Variants in ATRNL1 observed in about 807,000 individuals in gnomAD.
ATRNL1 encodes attractin like 1.
Under a neutral mutation model 182.7 loss-of-function variants are expected in ATRNL1, and 95 were observed. That is an observed-to-expected ratio of 0.52 (90% confidence interval 0.44 to 0.62). The LOEUF is 0.62. ATRNL1 is among the 20% of genes least tolerant of loss of function. The pLI is 0.00. For synonymous variants in ATRNL1, 576 were observed against 568.3 expected (o/e 1.01, Z -0.19); for missense variants, 1,471 against 1,679.5 (o/e 0.88, Z 2.17).
intron 28 of ATRNL1, among the ~76,000 whole-genome samples, chr10:115,901,954 T>C (rs1952367056): frequency 6.6e-6 from 1 of 152,140 alleles, no homozygotes; most frequent in Non-Finnish European, 1.5e-5. Context: ...ATCTCAATGC[T>C]ACCAGCACCT....
intron 19 of ATRNL1, among the ~76,000 whole-genome samples, chr10:115,382,448 A>G (rs932083668): frequency 2.6e-5 from 4 of 151,924 alleles, no homozygotes; most frequent in African/African-American, 7.2e-5. Context: ...ACTATTTTAT[A>G]TGAAATTATT....
intron 21 of ATRNL1, among the ~76,000 whole-genome samples, chr10:115,444,744 A>G (rs1185368747): frequency 2.6e-5 from 4 of 151,668 alleles, no homozygotes; most frequent in Admixed American, 2.6e-4. Context: ...AGGTGGATAG[A>G]GCAAGATATT....
At chr10:115,592,478 A>G (rs1855970048) in intron 26 of ATRNL1, among the ~76,000 whole-genome samples, 1 of 152,300 alleles carries the variant, frequency 6.6e-6, no homozygotes, top group Middle Eastern at 3.4e-3. Context: ...GAACATTTTC[A>G]TCATCCTAAA....
At chr10:115,416,479 T>A (rs1845396729) in intron 20 of ATRNL1, among the ~76,000 whole-genome samples, 1 of 152,194 alleles carries the variant, frequency 6.6e-6, no homozygotes, top group African/African-American at 2.4e-5. Context: ...TATAAATATT[T>A]AATAGAGAAT....
intron 26 of ATRNL1, among the ~76,000 whole-genome samples, chr10:115,655,459 G>T (rs1264242706): frequency 6.6e-6 from 1 of 152,138 alleles, no homozygotes; most frequent in African/African-American, 2.4e-5. Context: ...AACAAAGTTT[G>T]AAGGACCCTA....
chr10:115,549,412 G>T, intron 25 of ATRNL1, 46 bp from the exon 26 acceptor site: 2 of 1,447,120 alleles, frequency 1.4e-6, no homozygotes, highest in Non-Finnish European at 9.5e-7. Flanking sequence ...TCATTACATA[G>T]TTCAAATAAG....
At chr10:115,311,633 G>T (rs1444092032) in intron 17 of ATRNL1, among the ~76,000 whole-genome samples, 1 of 152,116 alleles carries the variant, frequency 6.6e-6, no homozygotes, top group Non-Finnish European at 1.5e-5. Flanking sequence ...AAGTCCATTT[G>T]TTCTAGAGTG....
At chr10:115,943,221 G>A (rs1443796902) in intron 28 of ATRNL1, among the ~76,000 whole-genome samples, 1 of 152,042 alleles carries the variant, frequency 6.6e-6, no homozygotes, top group Non-Finnish European at 1.5e-5. Flanking sequence ...CAGTTTATGA[G>A]AATGAAAAGT....
intron 26 of ATRNL1, among the ~76,000 whole-genome samples, chr10:115,552,063 A>T (rs1374716811): frequency 1.3e-5 from 2 of 151,440 alleles, no homozygotes; most frequent in Non-Finnish European, 3.0e-5. Context: ...AACATAGTAT[A>T]TATAGGGCTT....
chr10:115,600,924 A>C lies in ATRNL1; in HGVS notation c.3795+51388A>C, dbSNP rs1408205035. ...TGTAAAGTAAGGATTGAGGTTTTTT[A>C]TTTTCTTTTTTTTTTTTTTTTTTGC... On this transcript the variant is annotated intron_variant, in intron 26 of 28. Coordinates refer to ENST00000355044, the MANE Select transcript of ATRNL1 (RefSeq NM_207303.4). Among the ~76,000 whole-genome samples, 70 of 67,938 alleles carry C rather than the reference A, an allele frequency of 1.0e-3. 2 individuals carry two copies. Among genetic ancestry groups the C allele is most frequent in the Admixed American group, 3.9e-3 (17 of 4,366 alleles). 44.6% of individuals were successfully genotyped at this position (67,938 alleles called of 152,430 possible). A position where few individuals can be genotyped will look rare whatever the true frequency, so the allele number is the denominator to read the frequency against.
chr10:115,306,972 T>TG lies in ATRNL1; in HGVS notation c.2818+4931dup, dbSNP rs201834013. Among the ~76,000 whole-genome samples, 755 of 152,298 alleles carry TG rather than the reference T, an allele frequency of 5.0e-3. 23 individuals carry two copies. The highest frequency in any genetic ancestry group is 0.042 in the Admixed American group (644 of 15,292). On this transcript the variant is annotated intron_variant, in intron 17 of 28. Coordinates refer to ENST00000355044, the MANE Select transcript of ATRNL1 (RefSeq NM_207303.4). ...TCAAATAATGATAACTAAATACCGCTGGTGGGATTGTCAGCTAGGCAAGCA... is the reference window on the plus strand; with the variant it reads ...TCAAATAATGATAACTAAATACCGCTGGGTGGGATTGTCAGCTAGGCAAGCA...
intron 26 of ATRNL1, among the ~76,000 whole-genome samples, chr10:115,658,999 T>A (rs1860509325): frequency 6.6e-6 from 1 of 152,096 alleles, no homozygotes; most frequent in Non-Finnish European, 1.5e-5. Flanking sequence ...TAAGCTCTCA[T>A]AAGAATGTAC....
intron 1 of ATRNL1, among the ~76,000 whole-genome samples, chr10:115,098,136 G>A (rs1410480239): frequency 2.0e-5 from 3 of 152,028 alleles, no homozygotes; most frequent in African/African-American, 7.2e-5. Context: ...CATTATTAAA[G>A]TGTATAATCA....
At chr10:115,816,875 A>G (rs1950177838) in intron 27 of ATRNL1, among the ~76,000 whole-genome samples, 1 of 152,138 alleles carries the variant, frequency 6.6e-6, no homozygotes, top group South Asian at 2.1e-4. Flanking sequence ...TTGGAATAGA[A>G]TCATGTCTGG....
intron 8 of ATRNL1, among the ~76,000 whole-genome samples, chr10:115,204,905 G>A (rs1257406055): frequency 1.3e-5 from 2 of 151,978 alleles, no homozygotes; most frequent in Non-Finnish European, 2.9e-5. Context: ...TTGTTCCTGG[G>A]CTTTCTTTGT....
chr10:115,707,139 A>G (rs1555053255), intron 26 of ATRNL1, among the ~76,000 whole-genome samples: 1 of 151,796 alleles, frequency 6.6e-6, no homozygotes, highest in East Asian at 1.9e-4. Flanking sequence ...AATAAAAATA[A>G]TGGCTACAAA....
At position 115,469,200 on chromosome 10, in the gene ATRNL1, T is replaced by C; in HGVS notation, c.3525T>C (p.Ser1175=). 7.4e-7 allele frequency: 1 copy of C among 1,349,720 alleles called. No individual in the cohort carries two copies. 83.6% of individuals were successfully genotyped at this position (1,349,720 alleles called of 1,614,324 possible). The stretch of plus-strand genomic sequence containing the variant: ...GAACAATATCTGGGGAAGAGACTTC[T>C]ATAGTTTCCAAGAATAATATAAAGG... ...TAGTISGEET[S]IVSKNNIKEY... Residue 1175 remains serine (S), a synonymous_variant, in exon 24 of 29, where the codon TCT becomes TCC. Coordinates refer to ENST00000355044, the MANE Select transcript of ATRNL1 (RefSeq NM_207303.4).
chr10:115,787,721 T>C lies in ATRNL1; in HGVS notation c.3904-60156T>C, dbSNP rs1199806609. Among the ~76,000 whole-genome samples the C allele has an allele frequency of 3.3e-5, 5 of 152,202 alleles. No homozygotes were observed. In the South Asian group the frequency reaches 8.3e-4, roughly 25 times the overall value. ...AGCACCCCATTTCCCCCAAAAGATA[T>C]CATGTCCTAATCTCTGGGACCTGTG... On this transcript the variant is annotated intron_variant, in intron 27 of 28. Transcript: ENST00000355044.
chr10:115,272,608 T>C (rs1851917586), intron 13 of ATRNL1, among the ~76,000 whole-genome samples: 1 of 152,132 alleles, frequency 6.6e-6, no homozygotes, highest in South Asian at 2.1e-4. Flanking sequence ...ACCACTCCCA[T>C]TTCCACCCCT....
Sources: gnomAD v4.1 joint callset for allele counts (sites outside exome capture counted in the v4.1 genomes callset) on GRCh38, gnomAD v4.1.1 for gene constraint, MANE v1.5 for transcripts, NCBI Gene and HGNC (gene_info 2026-07-23, HGNC 2026-07-21) for gene names.